Variants in ERICH6B observed in about 807,000 individuals in gnomAD.
ERICH6B encodes the protein glutamate-rich protein 6B.
ERICH6B carries 69 observed loss-of-function variants against 80.0 expected under a neutral mutation model. That is an observed-to-expected ratio of 0.86 (90% CI 0.71 to 1.05). ERICH6B has a LOEUF of 1.05. ERICH6B is among the 50% of genes least tolerant of loss of function. ERICH6B has a pLI of 0.00. For synonymous variants in ERICH6B, 283 were observed against 291.9 expected, an observed-to-expected ratio of 0.97 and a Z score of 0.31; for missense variants, 754 against 796.1, an observed-to-expected ratio of 0.95 and a Z score of 0.64.
At chr13:45,602,825 A>C (rs1382470177) in intron 2 of ERICH6B, among the ~76,000 whole-genome samples, 2 of 152,078 alleles carry the variant, frequency 1.3e-5, no homozygotes, top group East Asian at 3.8e-4. Flanking sequence ...TGAGCCACAC[A>C]CACATCTTGC....
intron 7 of ERICH6B, among the ~76,000 whole-genome samples, chr13:45,576,884 G>A (rs1485719619): frequency 1.3e-5 from 2 of 152,188 alleles, no homozygotes; most frequent in African/African-American, 2.4e-5. Context: ...CATGTCAAGT[G>A]TAATAAGCAG....
At position 45,574,854 on chromosome 13, in the gene ERICH6B, A is replaced by G. The variant is rs143466369; in HGVS notation, c.1038T>C (p.Asp346=). 4.5e-6 allele frequency: 7 copies of G among 1,551,246 alleles called. No individual in the cohort carries two copies. The East Asian group carries it at 1.7e-4, about 38-fold the overall frequency. The change falls in exon 8 of 15, where the codon GAT becomes GAC. Residue 346 remains aspartate (D), a synonymous_variant. Transcript: ENST00000298738. ...DESIDKLEVE[D]LDENFLNSSY... ...TTATCCAACTTACGTTTTCATCTAA[A>G]TCTTCCACTTCCAGCTTGTCAATGG...
rs1290655964 is a variant in ERICH6B, at chr13:45,568,353, C to T, written c.1149G>A (p.Lys383=). ...TCCATCTGTTTTCACTTTCCAGTAGCTTAGTTAGGGGAATGTCAAAATCCT... is the reference window on the plus strand; with the variant it reads ...TCCATCTGTTTTCACTTTCCAGTAGTTTAGTTAGGGGAATGTCAAAATCCT... ...LEEDFDIPLT[K]LLESENRWKL... is the part of the protein sequence containing the mutation. The change falls in exon 9 of 15, where the codon AAG becomes AAA. Residue 383 remains lysine (K), a synonymous_variant. Transcript: ENST00000298738. The T allele has an allele frequency of 6.5e-7, 1 of 1,547,726 alleles. No individual in the cohort carries two copies. The highest frequency in any genetic ancestry group is 2.5e-5 in the East Asian group (1 of 40,664).
At chr13:45,548,910 C>T (rs914794988) in intron 13 of ERICH6B, among the ~76,000 whole-genome samples, 2 of 152,200 alleles carry the variant, frequency 1.3e-5, no homozygotes, top group Non-Finnish European at 2.9e-5. Flanking sequence ...AAACCAAAGT[C>T]TGCAGAATGA....
intron 3 of ERICH6B, among the ~76,000 whole-genome samples, chr13:45,594,413 A>G (rs1876278971): frequency 6.6e-6 from 1 of 152,246 alleles, no homozygotes; most frequent in African/African-American, 2.4e-5. Context: ...AAGATCCAGC[A>G]CATAGAGGGG....
intron 9 of ERICH6B, among the ~76,000 whole-genome samples, chr13:45,566,868 C>T (rs1874935930): frequency 1.3e-5 from 2 of 152,216 alleles, no homozygotes; most frequent in South Asian, 4.1e-4. Flanking sequence ...GGTGGATCCA[C>T]TGACAGCTTG....
At chr13:45,580,073 G>GGA in intron 6 of ERICH6B, 99 bp from the exon 7 acceptor site, 1 of 1,033,182 alleles carries the variant, frequency 9.7e-7, no homozygotes, top group Non-Finnish European at 1.4e-6. Flanking sequence ...TCATCTCCTA[G>GGA]ATATCTGGGA....
At chr13:45,599,849 A>G (rs1161417579) in intron 2 of ERICH6B, among the ~76,000 whole-genome samples, 2 of 152,188 alleles carry the variant, frequency 1.3e-5, no homozygotes, top group Admixed American at 1.3e-4. Context: ...GCAACTCTGG[A>G]GCAAGAGGAT....
chr13:45,596,166 T>C (rs988540512), intron 3 of ERICH6B, among the ~76,000 whole-genome samples: 1 of 152,194 alleles, frequency 6.6e-6, no homozygotes, highest in African/African-American at 2.4e-5. Flanking sequence ...GTCAGCACCA[T>C]GGATAGAGTT....
At chr13:45,591,193 A>G (rs1269932687) in intron 3 of ERICH6B, among the ~76,000 whole-genome samples, 1 of 152,254 alleles carries the variant, frequency 6.6e-6, no homozygotes, top group Admixed American at 6.5e-5. Context: ...GAAGCAGTAG[A>G]GAAACGAGAA....
At chr13:45,550,155 T>G in intron 12 of ERICH6B, 76 bp downstream of exon 12, 1 of 1,531,858 alleles carries the variant, frequency 6.5e-7, no homozygotes, top group East Asian at 2.5e-5. Flanking sequence ...GTCAAACCCC[T>G]TACCCCATAA....
At chr13:45,556,077 G>A (rs1357553493) in intron 11 of ERICH6B, among the ~76,000 whole-genome samples, 1 of 151,082 alleles carries the variant, frequency 6.6e-6, no homozygotes, top group African/African-American at 2.4e-5. Flanking sequence ...TACTCTATAG[G>A]CATGAGAGCA....
At chr13:45,615,291 C>A (rs1293859580) in intron 1 of ERICH6B, among the ~76,000 whole-genome samples, 1 of 152,158 alleles carries the variant, frequency 6.6e-6, no homozygotes, top group Admixed American at 6.5e-5. Context: ...GGAATTTGTT[C>A]CTGGTTGGGG....
intron 9 of ERICH6B, among the ~76,000 whole-genome samples, chr13:45,564,306 A>AAC (rs1299566382): frequency 6.6e-6 from 1 of 152,216 alleles, no homozygotes; most frequent in Non-Finnish European, 1.5e-5. Context: ...CTCTCATGTT[A>AAC]ACACACAGAG....
chr13:45,601,378 C>A (rs540202750), intron 2 of ERICH6B, among the ~76,000 whole-genome samples: 2 of 152,242 alleles, frequency 1.3e-5, no homozygotes, highest in African/African-American at 2.4e-5. Context: ...ACAGTGGCAG[C>A]CTATTTTTAA....
chr13:45,554,233 C>T (rs1255722837), intron 11 of ERICH6B, among the ~76,000 whole-genome samples: 1 of 152,150 alleles, frequency 6.6e-6, no homozygotes, highest in Non-Finnish European at 1.5e-5. Flanking sequence ...CTTTCTGTGC[C>T]TGGCTTCTTT....
chr13:45,592,613 G>A (rs1403940831), intron 3 of ERICH6B, among the ~76,000 whole-genome samples: 1 of 152,164 alleles, frequency 6.6e-6, no homozygotes, highest in Non-Finnish European at 1.5e-5. Context: ...GCAAAAACAT[G>A]ATGAATCAAA....
intron 1 of ERICH6B, among the ~76,000 whole-genome samples, 167 bp from the exon 2 acceptor site, chr13:45,607,782 T>C (rs538458885): frequency 1.3e-5 from 2 of 152,310 alleles, no homozygotes; most frequent in East Asian, 3.9e-4. Flanking sequence ...TTTCATTGAA[T>C]GTCCAACAGC....
chr13:45,581,667 G>T (rs149529030), intron 5 of ERICH6B, among the ~76,000 whole-genome samples: 1 of 152,204 alleles, frequency 6.6e-6, no homozygotes, highest in African/African-American at 2.4e-5. Context: ...ATGAGCCACT[G>T]CGCCTGGCCC....
Sources: allele counts gnomAD v4.1 joint callset (sites outside exome capture counted in the v4.1 genomes callset), GRCh38; gene constraint gnomAD v4.1.1; transcripts MANE v1.5; gene names NCBI Gene and HGNC (gene_info 2026-07-23, HGNC 2026-07-21).